EDIL3: variants seen among roughly 807,000 people sequenced by gnomAD.
EDIL3 encodes the protein EGF-like repeat and discoidin I-like domain-containing protein 3.
A neutral mutation model predicts 67.4 loss-of-function variants in EDIL3; 37 were observed. The observed-to-expected ratio is 0.55, with a 90% confidence interval of 0.42 to 0.72. The LOEUF is 0.72. Among genes scored for constraint, EDIL3 ranks in the 30% least tolerant of loss-of-function variants. EDIL3 has a pLI of 0.00. For synonymous variants in EDIL3, 195 were observed against 196.3 expected (o/e 0.99, Z 0.05); for missense variants, 527 against 586.3 (o/e 0.90, Z 1.04).
At chr5:84,295,382 T>C (rs1020749119) in intron 1 of EDIL3, among the ~76,000 whole-genome samples, 1 of 151,974 alleles carries the variant, frequency 6.6e-6, no homozygotes, top group African/African-American at 2.4e-5. Flanking sequence ...ATGGTACTTA[T>C]ACTTAAAAAT....
At chr5:84,050,154 C>T (rs911010635) in intron 9 of EDIL3, among the ~76,000 whole-genome samples, 17 of 135,546 alleles carry the variant, frequency 1.3e-4, no homozygotes, top group Non-Finnish European at 2.3e-4. Context: ...GTCGAGATGG[C>T]GCCACTGCAC....
In EDIL3 at chr5:84,304,040, C is replaced by A. The variant is rs987171678; in HGVS notation, c.68-49828G>T. On this transcript the variant is annotated intron_variant, in intron 1 of 10. Transcript: ENST00000296591. ...TTTAATGATTACAGAGTAATATACTCATTGGTGTGCACAAGCCACAATTTA... is the reference window on the plus strand; with the variant it reads ...TTTAATGATTACAGAGTAATATACTAATTGGTGTGCACAAGCCACAATTTA... 1.1e-4 allele frequency among the ~76,000 whole-genome samples: 16 copies of A among 152,152 alleles called. No individual in the cohort carries two copies. The South Asian group carries it at 2.3e-3, about 22-fold the overall frequency.
intron 9 of EDIL3, among the ~76,000 whole-genome samples, chr5:83,963,918 T>C (rs1744647607): frequency 6.6e-6 from 1 of 151,742 alleles, no homozygotes; most frequent in Non-Finnish European, 1.5e-5. Context: ...ATAGTAATCA[T>C]TGTCCAGTGA....
At position 84,319,494 on chromosome 5, in the gene EDIL3, C is replaced by CAAAAAAAAAAAA. The variant is rs55738450; in HGVS notation, c.67+64802_67+64813dup. ...AAAAAAAACAAAAAACAAAAAACAA[C>CAAAAAAAAAAAA]AAAAAAAAAAAAAAAAAAAAAAAAA... On this transcript the variant is annotated intron_variant, in intron 1 of 10. Coordinates refer to ENST00000296591, the MANE Select transcript of EDIL3 (RefSeq NM_005711.5). 6.5e-3 allele frequency among the ~76,000 whole-genome samples: 279 copies of CAAAAAAAAAAAA among 42,764 alleles called. 1 individual carries two copies. The highest frequency in any genetic ancestry group is 7.8e-3 in the Non-Finnish European group (180 of 23,190). 28.1% of individuals were successfully genotyped at this position (42,764 alleles called of 152,430 possible). A position where few individuals can be genotyped will look rare whatever the true frequency, so the allele number is the denominator to read the frequency against.
chr5:84,195,497 CACAA>C (rs1743686875), intron 3 of EDIL3, among the ~76,000 whole-genome samples: 1 of 151,820 alleles, frequency 6.6e-6, no homozygotes, highest in South Asian at 2.1e-4. Context: ...TGAAGTAGGT[CACAA>C]ACAATGAAGT....
At chr5:84,202,310 T>C (rs1743860425) in intron 3 of EDIL3, among the ~76,000 whole-genome samples, 1 of 152,130 alleles carries the variant, frequency 6.6e-6, no homozygotes, top group Admixed American at 6.6e-5. Flanking sequence ...TGACTCACAC[T>C]GGATATATAC....
chr5:84,270,992 G>C (rs368222767), intron 1 of EDIL3, among the ~76,000 whole-genome samples: 1 of 152,082 alleles, frequency 6.6e-6, no homozygotes, highest in African/African-American at 2.4e-5. Flanking sequence ...GGGTTAATTC[G>C]TATGAGTTAT....
At chr5:83,958,576 T>C (rs1487580475) in intron 10 of EDIL3, among the ~76,000 whole-genome samples, 2 of 151,466 alleles carry the variant, frequency 1.3e-5, no homozygotes, top group Non-Finnish European at 3.0e-5. Context: ...AGCTTCTTTA[T>C]TCCTGAAAAA....
rs1554068670 is a variant in EDIL3 at position 84,117,027 on chromosome 5, T to TA, written c.470-10198_470-10197insT. 1.4e-3 allele frequency among the ~76,000 whole-genome samples: 177 copies of TA among 126,166 alleles called. 2 individuals carry two copies. Among genetic ancestry groups the TA allele is most frequent in the African/African-American group, 5.8e-3 (174 of 29,946 alleles). 82.8% of individuals were successfully genotyped at this position (126,166 alleles called of 152,430 possible). A position where few individuals can be genotyped will look rare whatever the true frequency, so the allele number is the denominator to read the frequency against. ...TATCCAAGTTAAGTACTTATTTTTT[T>TA]TTTTTTTTTTTTTTTTTTGAGACGG... On this transcript the variant is annotated intron_variant, in intron 5 of 10. Coordinates refer to ENST00000296591, the MANE Select transcript of EDIL3 (RefSeq NM_005711.5).
intron 6 of EDIL3, among the ~76,000 whole-genome samples, chr5:84,090,390 T>C (rs72774793): frequency 0.066 from 10,103 of 152,242 alleles, 467 homozygotes; most frequent in Middle Eastern, 0.12. Context: ...AAAGGACACA[T>C]CTTAGGTGAA....
chr5:84,180,118 T>A (rs1580363926), intron 4 of EDIL3, among the ~76,000 whole-genome samples: 1 of 152,006 alleles, frequency 6.6e-6, no homozygotes, highest in Non-Finnish European at 1.5e-5. Context: ...ATCAGTTTAA[T>A]GTAAAGTGCA....
At chr5:84,324,094 C>A (rs1746700604) in intron 1 of EDIL3, among the ~76,000 whole-genome samples, 1 of 151,818 alleles carries the variant, frequency 6.6e-6, no homozygotes, top group Non-Finnish European at 1.5e-5. Flanking sequence ...TTCTACCCAA[C>A]AGCAACAGCA....
At chr5:84,297,926 G>A (rs960117762) in intron 1 of EDIL3, among the ~76,000 whole-genome samples, 1 of 152,124 alleles carries the variant, frequency 6.6e-6, no homozygotes, top group Admixed American at 6.5e-5. Flanking sequence ...TATGCCCTGG[G>A]CTTAGATTAT....
At position 83,941,198 on chromosome 5, in the gene EDIL3, T is replaced by C. The variant is rs981188677; in HGVS notation, c.*2221A>G. On this transcript the variant is annotated 3_prime_UTR_variant, in exon 11 of 11. Transcript: ENST00000296591. ...GCGACCCCTTTGCTCTCATCAATTT[T>C]GGGTGTCATGAGAACAATAGGTATC... is the stretch of plus-strand genomic sequence containing the variant. 1.3e-5 allele frequency: 2 copies of C among 152,002 alleles called. No individual in the cohort carries two copies. The highest frequency in any genetic ancestry group is 4.8e-5 in the African/African-American group (2 of 41,456). 9.4% of individuals were successfully genotyped at this position (152,002 alleles called of 1,614,324 possible).
At chr5:84,330,554 A>C (rs1478378605) in intron 1 of EDIL3, among the ~76,000 whole-genome samples, 1 of 152,232 alleles carries the variant, frequency 6.6e-6, no homozygotes, top group Non-Finnish European at 1.5e-5. Flanking sequence ...GAGTCAATAA[A>C]AACATTACCT....
intron 6 of EDIL3, among the ~76,000 whole-genome samples, chr5:84,090,371 CTAATAATAAAAGGACACATCTTAG>C (rs1168200799): frequency 2.0e-5 from 3 of 152,072 alleles, no homozygotes; most frequent in African/African-American, 7.2e-5. Flanking sequence ...GAAGTTGTTT[CTAATAATAAAAGGACACATCTTAG>C]GTGAAGTATG....
intron 9 of EDIL3, among the ~76,000 whole-genome samples, chr5:84,056,777 C>T (rs1045626700): frequency 2.0e-5 from 3 of 152,046 alleles, no homozygotes; most frequent in African/African-American, 4.8e-5. Flanking sequence ...AGAGCTACTG[C>T]TCAGAACTGA....
intron 6 of EDIL3, among the ~76,000 whole-genome samples, chr5:84,081,588 A>G (rs564494909): frequency 5.6e-4 from 86 of 152,278 alleles, no homozygotes; most frequent in African/African-American, 1.8e-3. Flanking sequence ...CAGGGGCAGT[A>G]AGTGTGCTAT....
chr5:84,078,459 TTATGA>T (rs1396383826), intron 6 of EDIL3, among the ~76,000 whole-genome samples: 2 of 152,152 alleles, frequency 1.3e-5, no homozygotes, highest in Non-Finnish European at 2.9e-5. Flanking sequence ...AAAACACACC[TTATGA>T]TATAACATCA....
Sources: allele counts gnomAD v4.1 joint callset (sites outside exome capture counted in the v4.1 genomes callset), GRCh38; gene constraint gnomAD v4.1.1; transcripts MANE v1.5; gene names NCBI Gene and HGNC (gene_info 2026-07-23, HGNC 2026-07-21).